Variants in IL21R observed in about 807,000 individuals in gnomAD.
The protein encoded by IL21R is interleukin 21 receptor, also known as interleukin-21 receptor.
A neutral mutation model predicts 41.3 loss-of-function variants in IL21R; 14 were observed. The ratio of observed to expected loss-of-function variants is 0.34; its 90% CI spans 0.22 to 0.53. The LOEUF is 0.53. Ranked by LOEUF, IL21R falls within the 20% of genes least tolerant of loss-of-function variation. IL21R has a pLI of 0.94. For missense variants in IL21R, 588 were observed against 681.6 expected (o/e 0.86, Z 1.53); for synonymous variants, 286 against 287.6 (o/e 0.99, Z 0.05).
At position 27,448,925 on chromosome 16, in the gene IL21R, A is replaced by AT. The variant is rs769663704; in HGVS notation, c.1260dup (p.Ala421CysfsTer57). 6.2e-7 allele frequency: 1 copy of AT among 1,612,662 alleles called. No homozygotes were observed. Among genetic ancestry groups the AT allele is most frequent in the Non-Finnish European group, 8.5e-7 (1 of 1,179,554 alleles). ...CCAGGCCTAGAGGACCCACTCTTGG[A>AT]TGCAGGGACCACAGTCCTGTCCTGT... On this transcript the variant is annotated frameshift_variant, in exon 9 of 9. Transcript: ENST00000337929. LOFTEE classifies it low-confidence loss of function (END_TRUNC).
chr16:27,417,163 C>CTTTTTTTT (rs577149386), intron 1 of IL21R, among the ~76,000 whole-genome samples: 5 of 126,624 alleles, frequency 3.9e-5, no homozygotes, highest in Non-Finnish European at 6.4e-5. Flanking sequence ...TTTTTCTTTT[C>CTTTTTTTT]TTTTTTTTTT....
At chr16:27,437,031 C>T (rs2087281958) in intron 3 of IL21R, among the ~76,000 whole-genome samples, 1 of 152,048 alleles carries the variant, frequency 6.6e-6, no homozygotes, top group Non-Finnish European at 1.5e-5. Context: ...GCCATGATCA[C>T]ACTACTATAC....
At chr16:27,438,557 T>C (rs912508000) in intron 4 of IL21R, among the ~76,000 whole-genome samples, 3 of 152,008 alleles carry the variant, frequency 2.0e-5, no homozygotes, top group African/African-American at 7.2e-5. Context: ...AGACCTCATC[T>C]CAAAACACAA....
rs775344121 is a variant in IL21R at position 27,445,197 on chromosome 16, C to G, written c.706C>G (p.Pro236Ala). 1 of 1,613,904 alleles carries G rather than the reference C, an allele frequency of 6.2e-7. No individual in the cohort carries two copies. Among genetic ancestry groups the G allele is most frequent in the Non-Finnish European group, 8.5e-7 (1 of 1,179,796 alleles). Residue 236 changes from proline (P) to alanine (A), a missense_variant, in exon 7 of 9, where the codon CCT (proline) becomes GCT (alanine). Transcript: ENST00000337929. Reference sequence around the variant, plus strand: ...CCCAGAGTTAAAGGAAGGCTGGAACCCTCACCTGCTGCTTCTCCTCCTGCT... The same window carrying G: ...CCCAGAGTTAAAGGAAGGCTGGAACGCTCACCTGCTGCTTCTCCTCCTGCT... ...QSEELKEGWNPHLLLLLLLVI... is the reference protein window; with the variant it reads ...QSEELKEGWNAHLLLLLLLVI...
chr16:27,429,925 G>A lies in IL21R; in HGVS notation c.-16-131G>A, dbSNP rs550334475. 1.7e-4 allele frequency: 118 copies of A among 702,028 alleles called. 1 individual carries two copies. Among genetic ancestry groups the A allele is most frequent in the Middle Eastern group, 2.5e-4 (1 of 4,034 alleles). The allele number at this position is 702,028 out of a possible 1,614,324, so 43.5% of individuals were successfully genotyped here. A position where few individuals can be genotyped will look rare whatever the true frequency, so the allele number is the denominator to read the frequency against. ...TCTTGGGGTCATCCACAGGCCCCTC[G>A]GGATCTTGCATTTTTCTTAAGACAG... On this transcript the variant is annotated intron_variant, in intron 1 of 8. Transcript: ENST00000337929.
chr16:27,425,239 G>A (rs1163867548), intron 1 of IL21R, among the ~76,000 whole-genome samples: 3 of 152,224 alleles, frequency 2.0e-5, no homozygotes, highest in Non-Finnish European at 1.5e-5. Flanking sequence ...TGAGGATAAG[G>A]TGCTGTTGCC....
At chr16:27,424,188 C>T (rs2087040415) in intron 1 of IL21R, among the ~76,000 whole-genome samples, 2 of 152,056 alleles carry the variant, frequency 1.3e-5, no homozygotes, top group South Asian at 4.2e-4. Flanking sequence ...AATTCTCCTG[C>T]CTCAGCCTCC....
chr16:27,442,474 C>T (rs1016431234), intron 4 of IL21R, among the ~76,000 whole-genome samples: 18 of 152,206 alleles, frequency 1.2e-4, no homozygotes, highest in Admixed American at 1.0e-3. Context: ...CGCCATTCTC[C>T]TGCCTCAGCC....
chr16:27,443,339 C>T (rs377223467), intron 5 of IL21R, among the ~76,000 whole-genome samples: 7 of 152,278 alleles, frequency 4.6e-5, no homozygotes, highest in South Asian at 2.1e-4. Flanking sequence ...GTCTCCTCGG[C>T]GGTCAGCATG....
rs1230514534 is a variant in IL21R at position 27,451,062 on chromosome 16, G to A, written c.*1779G>A. On this transcript the variant is annotated 3_prime_UTR_variant, in exon 9 of 9. Transcript: ENST00000337929. The stretch of plus-strand genomic sequence containing the variant: ...GGGACTGTGAGCCTGGGATCGGGGG[G>A]TGTGAGACTTGGATGGGAGCACAAG... 2.6e-5 allele frequency: 6 copies of A among 233,406 alleles called. No homozygotes were observed. The highest frequency in any genetic ancestry group is 4.2e-5 in the Non-Finnish European group (5 of 118,230). The allele number at this position is 233,406 out of a possible 1,614,324, so 14.5% of individuals were successfully genotyped here.
At chr16:27,416,685 A>G (rs962578021) in intron 1 of IL21R, among the ~76,000 whole-genome samples, 1 of 152,228 alleles carries the variant, frequency 6.6e-6, no homozygotes, top group Non-Finnish European at 1.5e-5. Context: ...AAGATGTGCA[A>G]TTCAACAAAG....
intron 2 of IL21R, among the ~76,000 whole-genome samples, chr16:27,430,909 C>A (rs1596582795): frequency 6.6e-6 from 1 of 152,256 alleles, no homozygotes; most frequent in South Asian, 2.1e-4. Context: ...GGAGGAAGAG[C>A]CAAAAGGAGA....
chr16:27,420,005 G>A (rs1193820538), intron 1 of IL21R, among the ~76,000 whole-genome samples: 9 of 150,292 alleles, frequency 6.0e-5, no homozygotes, highest in Non-Finnish European at 1.2e-4. Flanking sequence ...CTCCTGCCTC[G>A]GCCTCCTGAG....
At position 27,448,651 on chromosome 16, in the gene IL21R, C is replaced by T; in HGVS notation, c.985C>T (p.Leu329=). 1 of 1,613,138 alleles carries T rather than the reference C, an allele frequency of 6.2e-7. No individual in the cohort carries two copies. The highest frequency in any genetic ancestry group is 8.5e-7 in the Non-Finnish European group (1 of 1,180,018). ...CCCACCACGGAGCCCGGCCAAGAGG[C>T]TGCAGCTCACGGAGCTACAAGAACC... ...CHPPRSPAKR[L]QLTELQEPAE... is the part of the protein sequence containing the mutation. Residue 329 remains leucine, a synonymous_variant, in exon 9 of 9, where the codon CTG becomes TTG. Transcript: ENST00000337929.
intron 1 of IL21R, among the ~76,000 whole-genome samples, chr16:27,421,678 T>A (rs1348464501): frequency 6.6e-6 from 1 of 152,116 alleles, no homozygotes; most frequent in East Asian, 1.9e-4. Flanking sequence ...GTATAAAATA[T>A]CATTATTTGT....
Position 27,437,545 on chromosome 16 carries a change from G to T in IL21R, c.210G>T (p.Ser70=). The T allele has an allele frequency of 1.2e-6, 2 of 1,614,134 alleles. No homozygotes were observed. Among genetic ancestry groups the T allele is most frequent in the Non-Finnish European group, 1.7e-6 (2 of 1,180,032 alleles). The change falls in exon 4 of 9, where the codon TCG becomes TCT. Residue 70 remains serine (S), a synonymous_variant. Transcript: ENST00000337929. ...DEATSCSLHR[S]AHNATHATYT... ...CCACCTCCTGCAGCCTCCACAGGTCGGCCCACAATGCCACGCATGCCACCT... is the reference window on the plus strand; with the variant it reads ...CCACCTCCTGCAGCCTCCACAGGTCTGCCCACAATGCCACGCATGCCACCT...
At chr16:27,402,952 G>C (rs575156932) in intron 1 of IL21R, 5 of 360,882 alleles carry the variant, frequency 1.4e-5, no homozygotes, top group South Asian at 1.1e-4. Context: ...GATTCTGGGC[G>C]GCTGAGTCGG....
At position 27,449,215 on chromosome 16, in the gene IL21R, C is replaced by A; in HGVS notation, c.1549C>A (p.Arg517=). ...FTSPGDEGPP[R]SYLRQWVVIP... is the part of the protein sequence containing the mutation. ...CAGCCCCGGGGACGAAGGACCCCCC[C>A]GGAGCTACCTCCGCCAGTGGGTGGT... The change falls in exon 9 of 9, where the codon CGG becomes AGG. Residue 517 remains arginine, a synonymous_variant. Transcript: ENST00000337929. The A allele has an allele frequency of 6.2e-7, 1 of 1,612,776 alleles. No homozygotes were observed. Among genetic ancestry groups the A allele is most frequent in the South Asian group, 1.1e-5 (1 of 91,058 alleles).
At chr16:27,416,596 G>GA (rs974751823) in intron 1 of IL21R, among the ~76,000 whole-genome samples, 7 of 151,730 alleles carry the variant, frequency 4.6e-5, no homozygotes, top group Middle Eastern at 3.4e-3. Flanking sequence ...ATTTTTGTCT[G>GA]AAAAAAAATC....
Sources: allele counts gnomAD v4.1 joint callset (sites outside exome capture counted in the v4.1 genomes callset), GRCh38; gene constraint gnomAD v4.1.1; transcripts MANE v1.5; gene names NCBI Gene and HGNC (gene_info 2026-07-23, HGNC 2026-07-21).